KCNJ6: variants seen among roughly 807,000 people sequenced by gnomAD.
KCNJ6 encodes the protein potassium inwardly rectifying channel subfamily J member 6.
Under a neutral mutation model 34.2 loss-of-function variants are expected in KCNJ6, and 9 were observed. That is an observed-to-expected ratio of 0.26 (90% CI 0.16 to 0.46). The LOEUF (loss-of-function observed/expected upper bound fraction) is 0.46. Ranked by LOEUF, KCNJ6 falls within the 20% of genes least tolerant of loss-of-function variation. KCNJ6 has a pLI of 1.00. For synonymous variants in KCNJ6, 196 were observed against 207.1 expected, an observed-to-expected ratio of 0.95 and a Z score of 0.46; for missense variants, 236 against 531.3, an observed-to-expected ratio of 0.44 and a Z score of 5.46.
At chr21:37,631,733 C>G (rs1380015148) in intron 3 of KCNJ6, among the ~76,000 whole-genome samples, 1 of 152,108 alleles carries the variant, frequency 6.6e-6, no homozygotes. Flanking sequence ...AGAGAGAAAC[C>G]CTGCCTTTCT....
chr21:37,676,553 G>T (rs1216410327), intron 3 of KCNJ6, among the ~76,000 whole-genome samples: 1 of 152,230 alleles, frequency 6.6e-6, no homozygotes. Context: ...TGGCCTGGGG[G>T]CTGTGCTCAA....
In KCNJ6 at chr21:37,755,140, G is replaced by A. The variant is rs192819893; in HGVS notation, c.26-40009C>T. Among the ~76,000 whole-genome samples, 3 of 152,212 alleles carry A rather than the reference G, an allele frequency of 2.0e-5. No homozygotes were observed. In the East Asian group the frequency reaches 5.8e-4, roughly 29 times the overall value. ...AAAGAAGTTTGCAAGTGTCTTAGTG[G>A]ATGCAGAGTCAAGATAAACAGAATT... On this transcript the variant is annotated intron_variant, in intron 2 of 3. Transcript: ENST00000609713.
chr21:37,675,541 G>A lies in KCNJ6; in HGVS notation c.946+38670C>T, dbSNP rs184663099. On this transcript the variant is annotated intron_variant, in intron 3 of 3. Transcript: ENST00000609713. The surrounding 1 kb of genome is among the most constrained non-coding windows in gnomAD (Gnocchi z 4.2). ...GCCCCTCGGTCCCCAGCACCCCTGG[G>A]AGGAGCTGCTGCGATGACACCCAGT... Among the ~76,000 whole-genome samples, 189 of 152,344 alleles carry A rather than the reference G, an allele frequency of 1.2e-3. No homozygotes were observed. The highest frequency in any genetic ancestry group is 4.2e-3 in the African/African-American group (175 of 41,590).
chr21:37,691,564 C>G (rs1484314828), intron 3 of KCNJ6, among the ~76,000 whole-genome samples: 1 of 152,144 alleles, frequency 6.6e-6, no homozygotes, highest in Non-Finnish European at 1.5e-5. Flanking sequence ...CTGAGGTGTC[C>G]CGTATCTTCC....
rs1556009300 is a variant in KCNJ6, at chr21:37,620,451, A to G, written c.*4708T>C. On this transcript the variant is annotated 3_prime_UTR_variant, in exon 4 of 4. Coordinates refer to ENST00000609713, the MANE Select transcript of KCNJ6 (RefSeq NM_002240.5). ...GGATGATTTTCACATGTCTCAAAAT[A>G]TTCTTCTTTTCTTTTTTTTCCCCCA... 6.6e-6 allele frequency: 1 copy of G among 152,118 alleles called. No individual in the cohort carries two copies. The highest frequency in any genetic ancestry group is 1.5e-5 in the Non-Finnish European group (1 of 68,038). The allele number at this position is 152,118 out of a possible 1,614,324, so 9.4% of individuals were successfully genotyped here.
chr21:37,647,810 CA>C (rs113034556), intron 3 of KCNJ6, among the ~76,000 whole-genome samples: 1 of 152,186 alleles, frequency 6.6e-6, no homozygotes, highest in African/African-American at 2.4e-5. Flanking sequence ...CTCTGCCCCC[CA>C]ATGACATGGT....
intron 1 of KCNJ6, among the ~76,000 whole-genome samples, chr21:37,875,234 T>C (rs117039525): frequency 6.6e-6 from 1 of 152,302 alleles, no homozygotes; most frequent in Non-Finnish European, 1.5e-5. Context: ...ATTATTTTTG[T>C]AAAATAAAAA....
intron 1 of KCNJ6, among the ~76,000 whole-genome samples, chr21:37,909,700 T>C (rs1256902075): frequency 6.6e-6 from 1 of 152,202 alleles, no homozygotes; most frequent in African/African-American, 2.4e-5. Context: ...CATTATCACA[T>C]GAATCCTCAT....
At chr21:37,766,131 T>C (rs540468860) in intron 2 of KCNJ6, among the ~76,000 whole-genome samples, 11 of 152,302 alleles carry the variant, frequency 7.2e-5, no homozygotes, top group African/African-American at 2.6e-4. Context: ...CACAACATGT[T>C]CATGAATTTT....
intron 2 of KCNJ6, among the ~76,000 whole-genome samples, chr21:37,744,169 G>A (rs2054955114): frequency 7.8e-6 from 1 of 127,648 alleles, no homozygotes; most frequent in African/African-American, 2.9e-5. Flanking sequence ...TTGTGGGGTG[G>A]GGGGAGGGGG....
chr21:37,654,498 A>C (rs1049345076), intron 3 of KCNJ6, among the ~76,000 whole-genome samples: 8 of 151,952 alleles, frequency 5.3e-5, no homozygotes, highest in African/African-American at 1.9e-4. Flanking sequence ...CCCCAAATAC[A>C]GCAGTTTTAG....
chr21:37,715,006 T>G lies in KCNJ6; in HGVS notation c.151A>C (p.Arg51=), dbSNP rs770961576. ...TTCCTCACGTACCTCTGGATTTTCC[T>G]TTTGGTCCGATCTCGGCTGATGTGT... ...PRHISRDRTK[R]KIQRYVRKDG... The change falls in exon 3 of 4, where the codon AGG becomes CGG. Residue 51 remains arginine, a synonymous_variant. Coordinates refer to ENST00000609713, the MANE Select transcript of KCNJ6 (RefSeq NM_002240.5). The G allele has an allele frequency of 1.2e-6, 2 of 1,614,096 alleles. No individual in the cohort carries two copies. Among genetic ancestry groups the G allele is most frequent in the Non-Finnish European group, 1.7e-6 (2 of 1,180,052 alleles).
Position 37,714,037 on chromosome 21 carries a change from C to T in KCNJ6, c.946+174G>A, listed in dbSNP as rs1031055825. The stretch of plus-strand genomic sequence containing the variant: ...TTTAAAAAACTAAATGGTTAGGCTT[C>T]TTGGTGGATATACTTCAGGTGAGAC... On this transcript the variant is annotated intron_variant, in intron 3 of 3. Transcript: ENST00000609713. This position sits in a 1 kb window ranked among gnomAD's most constrained non-coding sequence, Gnocchi z 5.9. 3.9e-5 allele frequency among the ~76,000 whole-genome samples: 6 copies of T among 152,008 alleles called. No individual in the cohort carries two copies. The highest frequency in any genetic ancestry group is 1.4e-4 in the African/African-American group (6 of 41,382).
intron 2 of KCNJ6, among the ~76,000 whole-genome samples, chr21:37,745,472 G>A (rs1367022384): frequency 6.6e-6 from 1 of 152,066 alleles, no homozygotes; most frequent in Admixed American, 6.6e-5. Context: ...GCCAAGGAGT[G>A]CAGGTGGCCT....
At chr21:37,826,429 C>T (rs967845622) in intron 2 of KCNJ6, among the ~76,000 whole-genome samples, 2 of 152,034 alleles carry the variant, frequency 1.3e-5, no homozygotes, top group African/African-American at 4.8e-5. Flanking sequence ...GCAGGTGTGC[C>T]TCTCTCACTT....
intron 2 of KCNJ6, among the ~76,000 whole-genome samples, chr21:37,731,704 A>G (rs890017324): frequency 3.9e-5 from 6 of 152,350 alleles, no homozygotes; most frequent in Non-Finnish European, 8.8e-5. Flanking sequence ...GAGCAGACAG[A>G]TGGGCTGTCT....
intron 3 of KCNJ6, among the ~76,000 whole-genome samples, chr21:37,710,702 C>T (rs957297182): frequency 3.3e-5 from 5 of 152,180 alleles, no homozygotes; most frequent in African/African-American, 1.2e-4. Context: ...CCCATTTGCC[C>T]TCTATAAATA....
chr21:37,624,565 T>C lies in KCNJ6; in HGVS notation c.*594A>G, dbSNP rs2054302321. On this transcript the variant is annotated 3_prime_UTR_variant, in exon 4 of 4. Transcript: ENST00000609713. Reference sequence around the variant, plus strand: ...TACAGTATTTAGCAGTTCTGTTCTATGGTACTTTTGTACATGCTGGGTTTT... The same window carrying C: ...TACAGTATTTAGCAGTTCTGTTCTACGGTACTTTTGTACATGCTGGGTTTT... 6.5e-6 allele frequency: 1 copy of C among 152,950 alleles called. No homozygotes were observed. The highest frequency in any genetic ancestry group is 1.5e-5 in the Non-Finnish European group (1 of 68,594). The allele number at this position is 152,950 out of a possible 1,614,324, so 9.5% of individuals were successfully genotyped here.
At chr21:37,858,235 C>CA (rs1213383765) in intron 1 of KCNJ6, among the ~76,000 whole-genome samples, 10 of 150,852 alleles carry the variant, frequency 6.6e-5, no homozygotes, top group East Asian at 1.9e-4. Flanking sequence ...ACTAAAAATA[C>CA]AAAAAAAATT....
Sources: gnomAD v4.1 joint callset for allele counts (sites outside exome capture counted in the v4.1 genomes callset) on GRCh38, gnomAD v4.1.1 for gene constraint, Gnocchi (gnomAD v3.1) non-coding constraint, MANE v1.5 for transcripts, NCBI Gene and HGNC (gene_info 2026-07-23, HGNC 2026-07-21) for gene names.